Variants in XYLT1 observed in about 807,000 individuals in gnomAD.
The protein encoded by XYLT1 is xylosyltransferase 1.
A neutral mutation model predicts 91.3 loss-of-function variants in XYLT1; 36 were observed. The ratio of observed to expected loss-of-function variants is 0.39; its 90% confidence interval spans 0.30 to 0.52. The LOEUF is 0.52. XYLT1 is among the 20% of genes least tolerant of loss of function. The pLI, the probability that XYLT1 is intolerant of heterozygous loss-of-function variation, is 0.68. For synonymous variants in XYLT1, 588 were observed against 532.0 expected (o/e 1.11, Z -1.45); for missense variants, 1,242 against 1,284.5 (o/e 0.97, Z 0.51).
chr16:17,255,835 C>T (rs1021514511), intron 3 of XYLT1, among the ~76,000 whole-genome samples: 3 of 151,982 alleles, frequency 2.0e-5, no homozygotes, highest in Non-Finnish European at 4.4e-5. Flanking sequence ...TGGTGAAACC[C>T]CACCTCTACT....
rs534787148 is a variant in XYLT1, at chr16:17,106,630, T to A, written c.*2065A>T. 1 of 152,234 alleles carries A rather than the reference T, an allele frequency of 6.6e-6. No individual in the cohort carries two copies. The highest frequency in any genetic ancestry group is 6.6e-5 in the Admixed American group (1 of 15,264). The allele number at this position is 152,234 out of a possible 1,614,324, so 9.4% of individuals were successfully genotyped here. ...CGGAGCAAGCAGGAATGGCCCAAAC[T>A]CTCTGCAGCTAGCACATTCCCCACA... is the stretch of plus-strand genomic sequence containing the variant. On this transcript the variant is annotated 3_prime_UTR_variant, in exon 12 of 12. Coordinates refer to ENST00000261381, the MANE Select transcript of XYLT1 (RefSeq NM_022166.4).
intron 6 of XYLT1, among the ~76,000 whole-genome samples, chr16:17,150,165 C>T (rs982517165): frequency 6.6e-6 from 1 of 152,178 alleles, no homozygotes; most frequent in African/African-American, 2.4e-5. Context: ...TCTGTCCAAG[C>T]TCTGGATGAG....
rs369610831 is a variant in XYLT1 at position 17,405,118 on chromosome 16, G to T, written c.364-47068C>A. 9.7e-4 allele frequency among the ~76,000 whole-genome samples: 147 copies of T among 152,314 alleles called. 1 individual carries two copies. Among genetic ancestry groups the T allele is most frequent in the East Asian group, 8.7e-3 (45 of 5,176 alleles). On this transcript the variant is annotated intron_variant, in intron 1 of 11. Transcript: ENST00000261381. ...AGCTGATGTTGCTGATCAATGTCGCGGCTGTGCAGAGGGGGCATTTGATAC... is the reference window on the plus strand; with the variant it reads ...AGCTGATGTTGCTGATCAATGTCGCTGCTGTGCAGAGGGGGCATTTGATAC...
At chr16:17,385,269 T>TACACATACACAC (rs2035733700) in intron 1 of XYLT1, among the ~76,000 whole-genome samples, 2 of 119,912 alleles carry the variant, frequency 1.7e-5, no homozygotes, top group African/African-American at 5.6e-5. Context: ...TAAACACACA[T>TACACATACACAC]ACACACACAC....
intron 2 of XYLT1, among the ~76,000 whole-genome samples, chr16:17,287,168 C>G (rs1170142610): frequency 6.6e-6 from 1 of 152,070 alleles, no homozygotes; most frequent in Non-Finnish European, 1.5e-5. Flanking sequence ...ATAGGCAGAA[C>G]TGAGATTCAA....
chr16:17,176,053 C>A (rs9673876), intron 5 of XYLT1, among the ~76,000 whole-genome samples: 1 of 151,626 alleles, frequency 6.6e-6, no homozygotes, highest in Non-Finnish European at 1.5e-5. Context: ...AAAAAAAATG[C>A]GGTAAAATAT....
In XYLT1 at chr16:17,259,313, C is replaced by G. The variant is rs1343276677; in HGVS notation, c.588G>C (p.Lys196Asn). The change falls in exon 3 of 12, where the codon AAG (lysine) becomes AAC (asparagine). Residue 196 changes from lysine to asparagine, a missense_variant. Coordinates refer to ENST00000261381, the MANE Select transcript of XYLT1 (RefSeq NM_022166.4). Reference sequence around the variant, plus strand: ...CTTTTCCTTTCTCCTGCTGTTCCAGCTTCCTTTTCAAAAGCTCCTTCTGTC... The same window carrying G: ...CTTTTCCTTTCTCCTGCTGTTCCAGGTTCCTTTTCAAAAGCTCCTTCTGTC... ...PSRQKELLKR[K>N]LEQQEKGKGH... The G allele has an allele frequency of 2.3e-5, 37 of 1,614,038 alleles. No individual in the cohort carries two copies. Among genetic ancestry groups the G allele is most frequent in the Admixed American group, 3.3e-5 (2 of 59,994 alleles).
chr16:17,343,396 C>T (rs186919962), intron 2 of XYLT1, among the ~76,000 whole-genome samples: 17 of 152,330 alleles, frequency 1.1e-4, no homozygotes, highest in Admixed American at 1.0e-3. Flanking sequence ...TTGGGGTCTC[C>T]ATCCCCCAGA....
chr16:17,271,323 C>T (rs773271435), intron 2 of XYLT1, among the ~76,000 whole-genome samples: 2 of 151,724 alleles, frequency 1.3e-5, no homozygotes, highest in African/African-American at 4.8e-5. Flanking sequence ...GGTAGAGACA[C>T]AGAGAGAGAG....
At chr16:17,441,067 T>C (rs1472256019) in intron 1 of XYLT1, among the ~76,000 whole-genome samples, 1 of 151,872 alleles carries the variant, frequency 6.6e-6, no homozygotes. Flanking sequence ...TTTGTCAAAA[T>C]TATCATTAAT....
In XYLT1 at chr16:17,306,398, C is replaced by T. The variant is rs1394766817; in HGVS notation, c.403-46900G>A. Among the ~76,000 whole-genome samples, 2 of 152,094 alleles carry T rather than the reference C, an allele frequency of 1.3e-5. 1 individual carries two copies. The highest frequency in any genetic ancestry group is 6.3e-3 in the Middle Eastern group (2 of 316). On this transcript the variant is annotated intron_variant, in intron 2 of 11. Coordinates refer to ENST00000261381, the MANE Select transcript of XYLT1 (RefSeq NM_022166.4). Reference sequence around the variant, plus strand: ...GTGGCTCACGCCTGTAATCCCAGCGCTCTGGGAGGCCGAGGCAGGCGGCGC... The same window carrying T: ...GTGGCTCACGCCTGTAATCCCAGCGTTCTGGGAGGCCGAGGCAGGCGGCGC...
intron 1 of XYLT1, among the ~76,000 whole-genome samples, chr16:17,372,187 C>T (rs574535343): frequency 2.0e-5 from 3 of 152,174 alleles, no homozygotes; most frequent in Non-Finnish European, 4.4e-5. Flanking sequence ...TAATTATTCA[C>T]GCAGGAGCAT....
In XYLT1 at chr16:17,106,064, T is replaced by A. The variant is rs1364764946; in HGVS notation, c.*2631A>T. 1 of 152,136 alleles carries A rather than the reference T, an allele frequency of 6.6e-6. No homozygotes were observed. The highest frequency in any genetic ancestry group is 6.5e-5 in the Admixed American group (1 of 15,268). 9.4% of individuals were successfully genotyped at this position (152,136 alleles called of 1,614,324 possible). The stretch of plus-strand genomic sequence containing the variant: ...CGAATTAGTTGTGGTGAGGAAGAAA[T>A]GAAGCCATGGGAAAAAGGGAAGGGT... On this transcript the variant is annotated 3_prime_UTR_variant, in exon 12 of 12. Transcript: ENST00000261381.
intron 2 of XYLT1, among the ~76,000 whole-genome samples, chr16:17,300,508 G>A (rs2034379848): frequency 8.6e-6 from 1 of 115,988 alleles, no homozygotes; most frequent in South Asian, 2.8e-4. Context: ...CCAGTCTGGA[G>A]TGCAGCGGCA....
At position 17,117,798 on chromosome 16, in the gene XYLT1, G is replaced by C. The variant is rs2029892455; in HGVS notation, c.2405C>G (p.Thr802Ser). 6.2e-7 allele frequency: 1 copy of C among 1,614,202 alleles called. No homozygotes were observed. The highest frequency in any genetic ancestry group is 8.5e-7 in the Non-Finnish European group (1 of 1,180,044). Residue 802 changes from threonine to serine, a missense_variant, in exon 11 of 12, where the codon ACT becomes AGT. By Grantham distance (58) the Thr-to-Ser change is moderately conservative. This residue lies in a region of XYLT1 where 511 missense variants were observed against 497.0 expected (regional missense o/e 1.03). Coordinates refer to ENST00000261381, the MANE Select transcript of XYLT1 (RefSeq NM_022166.4). ...GGGCTTGTAGTGTGTGAATTCGGCA[G>C]TGGACTCAATGAGGATGTCGTAGGT... ...AATYDILIES[T>S]AEFTHYKPPL... is the part of the protein sequence containing the mutation.
chr16:17,469,085 T>A (rs908784881), intron 1 of XYLT1, among the ~76,000 whole-genome samples: 1 of 152,144 alleles, frequency 6.6e-6, no homozygotes, highest in Non-Finnish European at 1.5e-5. Context: ...CACAGCAACG[T>A]GAAATGCCAT....
chr16:17,147,375 G>A (rs1373377377), intron 6 of XYLT1, among the ~76,000 whole-genome samples: 1 of 152,192 alleles, frequency 6.6e-6, no homozygotes, highest in Non-Finnish European at 1.5e-5. Flanking sequence ...AGAAATACAG[G>A]TGAGAGGACT....
chr16:17,438,029 G>T (rs1157364029), intron 1 of XYLT1, among the ~76,000 whole-genome samples: 1 of 152,158 alleles, frequency 6.6e-6, no homozygotes, highest in Non-Finnish European at 1.5e-5. Flanking sequence ...CATTCAGGAA[G>T]AGAGAAAGGA....
rs2036983781 is a variant in XYLT1, at chr16:17,470,888, C to CGGAGGGGGG, written c.-93_-92insCCCCCCTCC. Reference sequence around the variant, plus strand: ...CCGCAGCTCCCGCGGCCGCCGGCTGCCGCTCGGGCTCCCGCTCGGGCCGCC... The same window carrying CGGAGGGGGG: ...CCGCAGCTCCCGCGGCCGCCGGCTGCGGAGGGGGGCGCTCGGGCTCCCGCTCGGGCCGCC... On this transcript the variant is annotated 5_prime_UTR_variant, in exon 1 of 12. Coordinates refer to ENST00000261381, the MANE Select transcript of XYLT1 (RefSeq NM_022166.4). 3.1e-6 allele frequency: 3 copies of CGGAGGGGGG among 971,264 alleles called. No individual in the cohort carries two copies. The highest frequency in any genetic ancestry group is 1.8e-5 in the African/African-American group (1 of 56,380). 60.2% of individuals were successfully genotyped at this position (971,264 alleles called of 1,614,324 possible).
Sources: gnomAD v4.1 joint callset for allele counts (sites outside exome capture counted in the v4.1 genomes callset) on GRCh38, gnomAD v4.1.1 for gene constraint, gnomAD v4.1.1 regional missense constraint, MANE v1.5 for transcripts, NCBI Gene and HGNC (gene_info 2026-07-23, HGNC 2026-07-21) for gene names.